The following ORC4 variants were observed in gnomAD, a reference collection of about 807,000 sequenced individuals.
ORC4 encodes the protein origin recognition complex, subunit 4 homolog.
A neutral mutation model predicts 63.9 loss-of-function variants in ORC4; 55 were observed. That is an observed-to-expected ratio of 0.86 (90% CI 0.69 to 1.08). The LOEUF is 1.08. ORC4 is among the 50% of genes least tolerant of loss of function. The pLI is 0.00. For missense variants in ORC4, 511 were observed against 504.4 expected (o/e 1.01, Z -0.13); for synonymous variants, 150 against 168.5 (o/e 0.89, Z 0.85).
At chr2:147,983,854 T>A (rs1026897072) in intron 1 of ORC4, among the ~76,000 whole-genome samples, 1 of 152,084 alleles carries the variant, frequency 6.6e-6, no homozygotes, top group Non-Finnish European at 1.5e-5. Flanking sequence ...TTAGAGAAAT[T>A]CAAGAGCTAA....
At position 147,971,329 on chromosome 2, in the gene ORC4, T is replaced by C. The variant is rs1269214627; in HGVS notation, c.225+1410A>G. 2.6e-5 allele frequency among the ~76,000 whole-genome samples: 4 copies of C among 151,484 alleles called. No homozygotes were observed. In the East Asian group the frequency reaches 7.7e-4, roughly 29 times the overall value. ...ATTCTTTTAATATTATGAAATAATATTAATAGTATGAAAAGAAAAGCCACA... is the reference window on the plus strand; with the variant it reads ...ATTCTTTTAATATTATGAAATAATACTAATAGTATGAAAAGAAAAGCCACA... On this transcript the variant is annotated intron_variant, in intron 4 of 13. Coordinates refer to ENST00000392857, the MANE Select transcript of ORC4 (RefSeq NM_181741.4).
chr2:147,939,875 G>A (rs1688264032), intron 10 of ORC4, among the ~76,000 whole-genome samples: 2 of 152,050 alleles, frequency 1.3e-5, no homozygotes, highest in African/African-American at 4.8e-5. Flanking sequence ...TATTTTTCAT[G>A]AAAGTTAAAT....
chr2:147,933,741 G>C lies in ORC4; in HGVS notation c.*1769C>G, dbSNP rs1385480714. 6.6e-6 allele frequency: 1 copy of C among 152,044 alleles called. No homozygotes were observed. The highest frequency in any genetic ancestry group is 1.5e-5 in the Non-Finnish European group (1 of 68,002). 9.4% of individuals were successfully genotyped at this position (152,044 alleles called of 1,614,324 possible). A position where few individuals can be genotyped will look rare whatever the true frequency, so the allele number is the denominator to read the frequency against. ...CTTAGAGCATAAGTGTAAAATTCTTGCTTCTAGTATATAATAGTGATGTTA... is the reference window on the plus strand; with the variant it reads ...CTTAGAGCATAAGTGTAAAATTCTTCCTTCTAGTATATAATAGTGATGTTA... On this transcript the variant is annotated 3_prime_UTR_variant, in exon 14 of 14. Transcript: ENST00000392857.
At position 147,973,318 on chromosome 2, in the gene ORC4, G is replaced by A. The variant is rs1240263167; in HGVS notation, c.134+130C>T. ...GCTATGTGGTGTTTCTATTCACAAA[G>A]CAAAATTTTTTATTTCTATAAAAGT... On this transcript the variant is annotated intron_variant, in intron 3 of 13. Transcript: ENST00000392857. The A allele has an allele frequency of 8.7e-6, 6 of 690,902 alleles. No homozygotes were observed. The Admixed American group carries it at 1.1e-4, about 13-fold the overall frequency. 42.8% of individuals were successfully genotyped at this position (690,902 alleles called of 1,614,324 possible). A position where few individuals can be genotyped will look rare whatever the true frequency, so the allele number is the denominator to read the frequency against.
chr2:147,947,543 G>C (rs1390564846), intron 9 of ORC4: 2 of 152,248 alleles, frequency 1.3e-5, no homozygotes, highest in Admixed American at 6.6e-5. Context: ...TCCAGGGACT[G>C]TGAGATGTGA....
At chr2:147,984,543 G>A (rs17218917) in intron 1 of ORC4, among the ~76,000 whole-genome samples, 1,885 of 152,056 alleles carry the variant, frequency 0.012, 33 homozygotes, top group African/African-American at 0.043. Context: ...GGGGTGTTTC[G>A]ACCCCTAACC....
intron 4 of ORC4, among the ~76,000 whole-genome samples, chr2:147,968,002 C>T (rs191135629): frequency 2.0e-3 from 304 of 152,116 alleles, no homozygotes; most frequent in African/African-American, 7.0e-3. Context: ...TGCTTATCAA[C>T]AGCCAACTGA....
At chr2:148,005,500 T>G (rs1165330759) in intron 1 of ORC4, among the ~76,000 whole-genome samples, 2 of 151,836 alleles carry the variant, frequency 1.3e-5, no homozygotes, top group Non-Finnish European at 2.9e-5. Context: ...AACCTACATG[T>G]TCTGCACATG....
At chr2:147,994,190 A>G (rs1691796898) in intron 1 of ORC4, among the ~76,000 whole-genome samples, 1 of 152,256 alleles carries the variant, frequency 6.6e-6, no homozygotes, top group African/African-American at 2.4e-5. Context: ...GGATCACTAT[A>G]AAACTCTGAT....
intron 1 of ORC4, among the ~76,000 whole-genome samples, chr2:148,018,869 G>A (rs12989250): frequency 0.33 from 49,590 of 152,050 alleles, 8,344 homozygotes; most frequent in East Asian, 0.52. Flanking sequence ...GAATGGAGAG[G>A]GGAGCTTCTC....
chr2:147,982,690 T>C (rs1291546688), intron 1 of ORC4, among the ~76,000 whole-genome samples: 3 of 152,218 alleles, frequency 2.0e-5, no homozygotes, highest in Non-Finnish European at 4.4e-5. Flanking sequence ...ATTTTGACTG[T>C]AAATAAAGTT....
intron 1 of ORC4, among the ~76,000 whole-genome samples, chr2:147,988,386 A>C (rs1424797631): frequency 6.6e-6 from 1 of 151,466 alleles, no homozygotes; most frequent in South Asian, 2.1e-4. Flanking sequence ...TTGAGACAGA[A>C]TCTCGCTCTG....
intron 10 of ORC4, 56 bp from the exon 11 acceptor site, chr2:147,939,304 T>C (rs769016360): frequency 2.7e-6 from 3 of 1,094,970 alleles, no homozygotes; most frequent in South Asian, 2.5e-5. Flanking sequence ...ATTTTGGAGA[T>C]ACTGTGCAAA....
rs1689382289 is a variant in ORC4 at position 147,958,373 on chromosome 2, C to G, written c.312G>C (p.Gln104His). Residue 104 changes from glutamine to histidine, a missense_variant, in exon 6 of 14, where the codon CAG (glutamine) becomes CAC (histidine). Coordinates refer to ENST00000392857, the MANE Select transcript of ORC4 (RefSeq NM_181741.4). ...VLQVHLNGLL[Q>H]INDKIALKEI... is the part of the protein sequence containing the mutation. Reference sequence around the variant, plus strand: ...CCTTTAGGGCGATTTTGTCATTGATCTGCAGCAGTCCTAAAATAAAGTCCA... The same window carrying G: ...CCTTTAGGGCGATTTTGTCATTGATGTGCAGCAGTCCTAAAATAAAGTCCA... 1.2e-6 allele frequency: 2 copies of G among 1,609,934 alleles called. No homozygotes were observed. Among genetic ancestry groups the G allele is most frequent in the Non-Finnish European group, 8.5e-7 (1 of 1,176,782 alleles).
At chr2:147,953,655 C>T (rs1336199591) in intron 7 of ORC4, among the ~76,000 whole-genome samples, 1 of 152,166 alleles carries the variant, frequency 6.6e-6, no homozygotes, top group Non-Finnish European at 1.5e-5. Context: ...TGAAGCACAA[C>T]TTTTAGCATT....
chr2:148,021,490 C>CTGCTGCTGT (rs1693725539), upstream of ORC4: 8 of 576,956 alleles, frequency 1.4e-5, no homozygotes, highest in Admixed American at 1.5e-4. Flanking sequence ...GTTGCTGCTG[C>CTGCTGCTGT]TGCTGCTACT....
chr2:147,978,516 GT>G (rs2105363541), intron 1 of ORC4, among the ~76,000 whole-genome samples: 1 of 152,256 alleles, frequency 6.6e-6, no homozygotes, highest in African/African-American at 2.4e-5. Flanking sequence ...GATTCAGACA[GT>G]TTTGTCTTCT....
chr2:147,986,539 A>C (rs1691209206), intron 1 of ORC4, among the ~76,000 whole-genome samples: 1 of 152,210 alleles, frequency 6.6e-6, no homozygotes, highest in Non-Finnish European at 1.5e-5. Flanking sequence ...AAAAAATGCT[A>C]AAATATGGTG....
chr2:148,006,333 T>G (rs773312816), intron 1 of ORC4, among the ~76,000 whole-genome samples: 2 of 152,172 alleles, frequency 1.3e-5, no homozygotes, highest in Non-Finnish European at 2.9e-5. Context: ...TAATTGGTTT[T>G]CATCACATTC....
Sources: allele counts gnomAD v4.1 joint callset (sites outside exome capture counted in the v4.1 genomes callset), GRCh38; gene constraint gnomAD v4.1.1; transcripts MANE v1.5; gene names NCBI Gene and HGNC (gene_info 2026-07-23, HGNC 2026-07-21).